The following WFDC11 variants were observed in gnomAD, a reference collection of about 807,000 sequenced individuals.
The protein encoded by WFDC11 is WAP four-disulfide core domain 11.
A neutral mutation model predicts 9.9 loss-of-function variants in WFDC11; 9 were observed. The ratio of observed to expected loss-of-function variants is 0.91; its 90% confidence interval spans 0.55 to 1.58. The LOEUF is 1.58. Among genes scored for constraint, WFDC11 ranks in the 40% most tolerant of loss-of-function variants. WFDC11 has a pLI of 0.00. For missense variants in WFDC11, 106 were observed against 101.7 expected (o/e 1.04, Z -0.18); for synonymous variants, 32 against 33.3 (o/e 0.96, Z 0.13).
intron 2 of WFDC11, among the ~76,000 whole-genome samples, chr20:45,658,035 G>A (rs2145619570): frequency 6.6e-6 from 1 of 151,996 alleles, no homozygotes; most frequent in East Asian, 1.9e-4. Flanking sequence ...ATGACTTTTT[G>A]AAAACTATTA....
intron 2 of WFDC11, among the ~76,000 whole-genome samples, chr20:45,666,371 GC>G (rs1258417041): frequency 6.6e-6 from 1 of 152,204 alleles, no homozygotes; most frequent in Non-Finnish European, 1.5e-5. Flanking sequence ...CCAACCCCTT[GC>G]CCTTCCCAGG....
At chr20:45,657,047 T>C (rs1275290681) in intron 2 of WFDC11, among the ~76,000 whole-genome samples, 1 of 152,108 alleles carries the variant, frequency 6.6e-6, no homozygotes, top group Non-Finnish European at 1.5e-5. Context: ...GATCTAGAAC[T>C]AGAAATACCA....
intron 2 of WFDC11, among the ~76,000 whole-genome samples, chr20:45,653,096 C>T (rs1487129184): frequency 6.6e-6 from 1 of 151,994 alleles, no homozygotes; most frequent in African/African-American, 2.4e-5. Flanking sequence ...AGATACTCCT[C>T]GAGAAGAGTA....
chr20:45,663,941 T>C (rs1051905254), intron 2 of WFDC11, among the ~76,000 whole-genome samples: 1 of 152,182 alleles, frequency 6.6e-6, no homozygotes, highest in Non-Finnish European at 1.5e-5. Context: ...CTATTAGGTC[T>C]GCTTGGTGCA....
intron 3 of WFDC11, 32 bp downstream of exon 3, chr20:45,650,469 C>G (rs1451501128): frequency 2.5e-6 from 4 of 1,577,304 alleles, no homozygotes; most frequent in African/African-American, 2.7e-5. Context: ...TCATCCCCCT[C>G]CTGTGGCCCC....
At position 45,650,605 on chromosome 20, in the gene WFDC11, G is replaced by T; in HGVS notation, c.-5C>A. ...GAGCTTCATGAGGCTGACCATATGT[G>T]TCTGAATATGTGTTGTCAGAAGGAT... On this transcript the variant is annotated 5_prime_UTR_variant, in exon 3 of 5. Transcript: ENST00000324384. 1 of 1,610,868 alleles carries T rather than the reference G, an allele frequency of 6.2e-7. No homozygotes were observed. Among genetic ancestry groups the T allele is most frequent in the Non-Finnish European group, 8.5e-7 (1 of 1,177,062 alleles).
At chr20:45,658,692 A>G (rs1982988041) in intron 2 of WFDC11, among the ~76,000 whole-genome samples, 1 of 151,262 alleles carries the variant, frequency 6.6e-6, no homozygotes, top group South Asian at 2.1e-4. Context: ...TTTTGTTTCA[A>G]TTTCATTTAA....
chr20:45,667,922 A>G (rs184937885), intron 1 of WFDC11, among the ~76,000 whole-genome samples: 3 of 152,368 alleles, frequency 2.0e-5, no homozygotes, highest in East Asian at 3.9e-4. Context: ...CAAATTCACT[A>G]TGAGTCAAAT....
intron 2 of WFDC11, among the ~76,000 whole-genome samples, chr20:45,661,558 G>A (rs371084683): frequency 5.9e-5 from 9 of 152,198 alleles, no homozygotes; most frequent in East Asian, 5.8e-4. Context: ...TAGGTATAAC[G>A]TTTAAGTCTT....
At chr20:45,662,211 T>C (rs1983085465) in intron 2 of WFDC11, among the ~76,000 whole-genome samples, 1 of 152,200 alleles carries the variant, frequency 6.6e-6, no homozygotes, top group Non-Finnish European at 1.5e-5. Flanking sequence ...ATGATTTGGC[T>C]CTCTGTTTGT....
rs1257532933 is a variant in WFDC11, at chr20:45,667,109, A to T, written c.-73T>A. On this transcript the variant is annotated 5_prime_UTR_variant, in exon 2 of 5. Coordinates refer to ENST00000324384, the MANE Select transcript of WFDC11 (RefSeq NM_147197.2). ...CTACCTTTGAAGATGTTGGAGTTGG[A>T]GGTGCTGAAACCTATTTGACTGGTG... is the stretch of plus-strand genomic sequence containing the variant. 1 of 152,264 alleles carries T rather than the reference A, an allele frequency of 6.6e-6. No homozygotes were observed. The highest frequency in any genetic ancestry group is 2.4e-5 in the African/African-American group (1 of 41,440). 9.4% of individuals were successfully genotyped at this position (152,264 alleles called of 1,614,324 possible). A position where few individuals can be genotyped will look rare whatever the true frequency, so the allele number is the denominator to read the frequency against.
chr20:45,660,549 A>G (rs1000597623), intron 2 of WFDC11, among the ~76,000 whole-genome samples: 5 of 152,146 alleles, frequency 3.3e-5, no homozygotes, highest in East Asian at 1.9e-4. Flanking sequence ...ATATCTCCCA[A>G]TGCTATCCCT....
chr20:45,657,170 C>A (rs1982952178), intron 2 of WFDC11, among the ~76,000 whole-genome samples: 1 of 152,148 alleles, frequency 6.6e-6, no homozygotes, highest in South Asian at 2.1e-4. Flanking sequence ...ATAGCAAGGA[C>A]TTGGAACCAA....
At chr20:45,658,938 C>G (rs1044196777) in intron 2 of WFDC11, among the ~76,000 whole-genome samples, 1 of 146,826 alleles carries the variant, frequency 6.8e-6, no homozygotes, top group Non-Finnish European at 1.5e-5. Context: ...CATTGTTGAA[C>G]TTCCACTTAT....
intron 2 of WFDC11, among the ~76,000 whole-genome samples, chr20:45,657,171 T>C (rs1029967698): frequency 2.0e-5 from 3 of 152,236 alleles, no homozygotes; most frequent in Admixed American, 1.3e-4. Context: ...TAGCAAGGAC[T>C]TGGAACCAAG....
At chr20:45,649,932 C>CTA (rs565091718) in intron 3 of WFDC11, among the ~76,000 whole-genome samples, 177 of 152,238 alleles carry the variant, frequency 1.2e-3, no homozygotes, top group African/African-American at 4.0e-3. Flanking sequence ...CTTAGCCCCT[C>CTA]TATTCACCCC....
intron 2 of WFDC11, among the ~76,000 whole-genome samples, chr20:45,653,698 G>A (rs1982859915): frequency 6.6e-6 from 1 of 152,270 alleles, no homozygotes; most frequent in Middle Eastern, 3.4e-3. Flanking sequence ...CTCACATGCA[G>A]AGACACACAT....
intron 2 of WFDC11, among the ~76,000 whole-genome samples, chr20:45,658,361 T>G (rs923381035): frequency 6.6e-6 from 1 of 152,204 alleles, no homozygotes; most frequent in Non-Finnish European, 1.5e-5. Context: ...GCCCTTTGAC[T>G]AATATCTTCA....
intron 2 of WFDC11, among the ~76,000 whole-genome samples, chr20:45,657,972 A>G (rs888974430): frequency 6.6e-6 from 1 of 152,228 alleles, no homozygotes; most frequent in African/African-American, 2.4e-5. Flanking sequence ...ATGTGCATAG[A>G]TATAAATATA....
Sources: allele counts gnomAD v4.1 joint callset (sites outside exome capture counted in the v4.1 genomes callset), GRCh38; gene constraint gnomAD v4.1.1; transcripts MANE v1.5; gene names NCBI Gene and HGNC (gene_info 2026-07-23, HGNC 2026-07-21).